LRMDA: variants seen among roughly 807,000 people sequenced by gnomAD.
LRMDA encodes leucine rich melanocyte differentiation associated.
Under a neutral mutation model 29.8 loss-of-function variants are expected in LRMDA, and 18 were observed. The observed-to-expected ratio is 0.60, with a 90% CI of 0.42 to 0.90. The LOEUF is 0.90. Among genes scored for constraint, LRMDA ranks in the 40% least tolerant of loss-of-function variants. The probability of loss-of-function intolerance (pLI) is 0.00; values close to 1 mark genes in which losing one functional copy is unlikely to be tolerated. For missense variants in LRMDA, 273 were observed against 273.9 expected (o/e 1.00, Z 0.02); for synonymous variants, 125 against 109.4 (o/e 1.14, Z -0.89).
chr10:75,897,568 T>C (rs575421012), intron 2 of LRMDA, among the ~76,000 whole-genome samples: 27 of 152,202 alleles, frequency 1.8e-4, no homozygotes, highest in African/African-American at 6.3e-4. Context: ...TTAAGGAAAC[T>C]TAAGGATTAT....
chr10:75,926,529 A>G (rs537635673), intron 2 of LRMDA, among the ~76,000 whole-genome samples: 94 of 152,322 alleles, frequency 6.2e-4, no homozygotes, highest in African/African-American at 2.1e-3. Context: ...GCCGGGTGGC[A>G]GCCCGCCCAC....
intron 5 of LRMDA, among the ~76,000 whole-genome samples, chr10:76,167,150 G>A (rs1454948295): frequency 5.9e-5 from 9 of 151,794 alleles, no homozygotes; most frequent in Non-Finnish European, 8.8e-5. Flanking sequence ...TTTTTGATAG[G>A]GTTGTTTGTT....
chr10:75,866,364 C>T (rs1845020479), intron 2 of LRMDA, among the ~76,000 whole-genome samples: 1 of 152,246 alleles, frequency 6.6e-6, no homozygotes, highest in African/African-American at 2.4e-5. Flanking sequence ...GGAATACACA[C>T]TCAGCCTGTA....
At chr10:75,716,750 A>T (rs773284179) in intron 2 of LRMDA, among the ~76,000 whole-genome samples, 1 of 152,170 alleles carries the variant, frequency 6.6e-6, no homozygotes, top group Non-Finnish European at 1.5e-5. Context: ...CATAAATGGT[A>T]ATTTCAGGAG....
At chr10:75,635,163 C>A (rs1446246991) in intron 2 of LRMDA, among the ~76,000 whole-genome samples, 1 of 152,084 alleles carries the variant, frequency 6.6e-6, no homozygotes, top group East Asian at 1.9e-4. Context: ...GCTCTGATGA[C>A]CTTTGCACTA....
intron 5 of LRMDA, among the ~76,000 whole-genome samples, chr10:76,166,218 T>G (rs541724736): frequency 5.8e-4 from 89 of 152,352 alleles, no homozygotes; most frequent in Admixed American, 7.8e-4. Flanking sequence ...GGTTGAGTTC[T>G]CAGTCAAAAC....
At chr10:76,295,194 T>G (rs1840396950) in intron 5 of LRMDA, among the ~76,000 whole-genome samples, 1 of 152,180 alleles carries the variant, frequency 6.6e-6, no homozygotes, top group African/African-American at 2.4e-5. Flanking sequence ...AGAAGAAAGT[T>G]TTATTAAAGG....
At chr10:75,637,859 C>T (rs753212425) in intron 2 of LRMDA, among the ~76,000 whole-genome samples, 36 of 152,098 alleles carry the variant, frequency 2.4e-4, no homozygotes, top group Non-Finnish European at 3.8e-4. Flanking sequence ...GGAACCTGGA[C>T]GCTGGAGGCG....
intron 2 of LRMDA, among the ~76,000 whole-genome samples, chr10:75,940,292 T>C (rs1846367309): frequency 6.6e-6 from 1 of 152,006 alleles, no homozygotes; most frequent in Admixed American, 6.6e-5. Flanking sequence ...GATAACCAGG[T>C]GGACTGAAAG....
intron 6 of LRMDA, among the ~76,000 whole-genome samples, chr10:76,447,182 G>A (rs1279249129): frequency 6.6e-6 from 1 of 151,866 alleles, no homozygotes. Flanking sequence ...ATAGAGTTTG[G>A]AGATTTCAAT....
intron 2 of LRMDA, among the ~76,000 whole-genome samples, chr10:75,585,793 A>C (rs1166837470): frequency 2.0e-5 from 3 of 152,142 alleles, no homozygotes; most frequent in Non-Finnish European, 4.4e-5. Context: ...CATCCTTCTT[A>C]ACTGAAACTT....
chr10:76,298,682 G>A (rs188062830), intron 5 of LRMDA, among the ~76,000 whole-genome samples: 14 of 152,324 alleles, frequency 9.2e-5, no homozygotes, highest in African/African-American at 3.1e-4. Flanking sequence ...CATCAAGGAA[G>A]CATGTAGTTA....
chr10:75,894,828 A>G (rs1468438307), intron 2 of LRMDA, among the ~76,000 whole-genome samples: 1 of 152,214 alleles, frequency 6.6e-6, no homozygotes, highest in Non-Finnish European at 1.5e-5. Context: ...AAAAGAAAAA[A>G]CAACTTTTAG....
At position 76,490,615 on chromosome 10, in the gene LRMDA, T is replaced by C. The variant is rs1589213387; in HGVS notation, c.602-66594T>C. ...CATAGCTACTCCTGCTCATTTTTGG[T>C]TTCCATTGACATAGGATATCTTTTT... On this transcript the variant is annotated intron_variant, in intron 6 of 6. Coordinates refer to ENST00000611255, the MANE Select transcript of LRMDA (RefSeq NM_001305581.2). Among the ~76,000 whole-genome samples, 3 of 152,164 alleles carry C rather than the reference T, an allele frequency of 2.0e-5. No homozygotes were observed. The East Asian group carries it at 5.8e-4, about 30-fold the overall frequency.
intron 5 of LRMDA, among the ~76,000 whole-genome samples, chr10:76,214,506 G>A (rs540982214): frequency 2.5e-4 from 37 of 150,362 alleles, no homozygotes; most frequent in African/African-American, 7.8e-4. Flanking sequence ...CACCGCGCCC[G>A]GCTAATTTTT....
intron 2 of LRMDA, among the ~76,000 whole-genome samples, chr10:75,796,376 A>C (rs112215391): frequency 2.0e-3 from 299 of 152,246 alleles, no homozygotes; most frequent in Non-Finnish European, 3.6e-3. Context: ...CTAGTTTATC[A>C]TGAATGGGTA....
intron 2 of LRMDA, among the ~76,000 whole-genome samples, chr10:75,566,873 A>G (rs1427298578): frequency 6.6e-6 from 1 of 151,724 alleles, no homozygotes; most frequent in Non-Finnish European, 1.5e-5. Flanking sequence ...CTTTTCCTTT[A>G]CTCTGAGAGG....
At chr10:75,809,011 A>G (rs193115110) in intron 2 of LRMDA, among the ~76,000 whole-genome samples, 8 of 152,210 alleles carry the variant, frequency 5.3e-5, no homozygotes, top group Middle Eastern at 6.8e-3. Context: ...TTGTGCCTCT[A>G]TGGAGGCTGT....
At chr10:76,544,710 GCACACACACA>G (rs71028204) in intron 6 of LRMDA, among the ~76,000 whole-genome samples, 8,194 of 145,350 alleles carry the variant, frequency 0.056, 242 homozygotes, top group African/African-American at 0.075. Flanking sequence ...ATATATACAT[GCACACACACA>G]CACACACACA....
Sources: gnomAD v4.1 joint callset for allele counts (sites outside exome capture counted in the v4.1 genomes callset) on GRCh38, gnomAD v4.1.1 for gene constraint, MANE v1.5 for transcripts, NCBI Gene and HGNC (gene_info 2026-07-23, HGNC 2026-07-21) for gene names.